The following PLXDC2 variants were observed in gnomAD, a reference collection of about 807,000 sequenced individuals.
PLXDC2 encodes plexin domain containing 2, also known as plexin domain-containing protein 2.
A neutral mutation model predicts 68.9 loss-of-function variants in PLXDC2; 40 were observed. The ratio of observed to expected loss-of-function variants is 0.58; its 90% CI spans 0.45 to 0.76. The LOEUF (loss-of-function observed/expected upper bound fraction) is 0.76. PLXDC2 is among the 30% of genes least tolerant of loss of function. The pLI is 0.00. For missense variants in PLXDC2, 644 were observed against 661.9 expected, an observed-to-expected ratio of 0.97 and a Z score of 0.30; for synonymous variants, 243 against 234.2, an observed-to-expected ratio of 1.04 and a Z score of -0.34.
intron 4 of PLXDC2, among the ~76,000 whole-genome samples, chr10:20,071,539 C>G (rs1259377896): frequency 6.6e-6 from 1 of 152,110 alleles, no homozygotes; most frequent in Non-Finnish European, 1.5e-5. Context: ...CTGCACACAC[C>G]CTCTCTTGCT....
chr10:20,256,440 C>CT (rs944831952), intron 13 of PLXDC2, among the ~76,000 whole-genome samples: 140 of 93,174 alleles, frequency 1.5e-3, no homozygotes, highest in Admixed American at 3.8e-3. Context: ...GCCCCCCAAA[C>CT]TTTTTTTTAA....
At chr10:19,916,651 A>T (rs1465674044) in intron 1 of PLXDC2, among the ~76,000 whole-genome samples, 1 of 152,186 alleles carries the variant, frequency 6.6e-6, no homozygotes, top group South Asian at 2.1e-4. Context: ...CATTTAACAT[A>T]CCAAGCAACT....
chr10:20,063,870 G>A (rs950896864), intron 3 of PLXDC2, among the ~76,000 whole-genome samples: 1 of 152,074 alleles, frequency 6.6e-6, no homozygotes, highest in Non-Finnish European at 1.5e-5. Context: ...TTCAAAAAAT[G>A]TTTCATAAAT....
intron 1 of PLXDC2, among the ~76,000 whole-genome samples, chr10:19,909,893 A>C (rs948367944): frequency 6.6e-6 from 1 of 152,134 alleles, no homozygotes; most frequent in African/African-American, 2.4e-5. Flanking sequence ...TGTTCAATGT[A>C]TTTCTAGAGA....
At chr10:20,043,457 A>C (rs904922494) in intron 2 of PLXDC2, 1 of 152,186 alleles carries the variant, frequency 6.6e-6, no homozygotes. Context: ...TCTTTATGAT[A>C]ACTTCAAGAC....
rs1836194079 is a variant in PLXDC2 at position 20,288,867 on chromosome 10, G to C, written c.*9048G>C. 1 of 151,960 alleles carries C rather than the reference G, an allele frequency of 6.6e-6. No individual in the cohort carries two copies. Among genetic ancestry groups the C allele is most frequent in the South Asian group, 2.1e-4 (1 of 4,826 alleles). The allele number at this position is 151,960 out of a possible 1,614,324, so 9.4% of individuals were successfully genotyped here. Reference sequence around the variant, plus strand: ...TCTTTAAAGGTGTGGAAGCTGGTGGGGACCAAATGTTACCTGTGTTTTTGC... The same window carrying C: ...TCTTTAAAGGTGTGGAAGCTGGTGGCGACCAAATGTTACCTGTGTTTTTGC... On this transcript the variant is annotated 3_prime_UTR_variant, in exon 14 of 14. Coordinates refer to ENST00000377252, the MANE Select transcript of PLXDC2 (RefSeq NM_032812.9).
At chr10:19,948,390 C>CTTTTTTTTT (rs59867874) in intron 1 of PLXDC2, among the ~76,000 whole-genome samples, 1 of 144,942 alleles carries the variant, frequency 6.9e-6, no homozygotes, top group African/African-American at 2.5e-5. Context: ...TTCTTTCTTT[C>CTTTTTTTTT]TTTTTTTTTT....
chr10:20,172,252 G>C (rs1276696553), intron 7 of PLXDC2, among the ~76,000 whole-genome samples: 1 of 140,456 alleles, frequency 7.1e-6, no homozygotes, highest in Admixed American at 7.1e-5. Context: ...AAAAAAAAGA[G>C]AGAGAGAGAT....
intron 12 of PLXDC2, among the ~76,000 whole-genome samples, chr10:20,226,633 A>G (rs1032108537): frequency 1.8e-4 from 28 of 152,208 alleles, no homozygotes; most frequent in Non-Finnish European, 2.5e-4. Flanking sequence ...CCTGTAGGTT[A>G]ATTTGTAGAT....
intron 13 of PLXDC2, among the ~76,000 whole-genome samples, chr10:20,253,951 G>A (rs1588545493): frequency 6.6e-6 from 1 of 152,150 alleles, no homozygotes; most frequent in South Asian, 2.1e-4. Flanking sequence ...CCTGAAACCT[G>A]AGTGGGCAGT....
rs771475097 is a variant in PLXDC2 at position 20,001,918 on chromosome 10, T to C, written c.256T>C (p.Ser86Pro). 6.8e-6 allele frequency: 11 copies of C among 1,613,234 alleles called. No individual in the cohort carries two copies. Among genetic ancestry groups the C allele is most frequent in the Non-Finnish European group, 7.6e-6 (9 of 1,179,986 alleles). The stretch of plus-strand genomic sequence containing the variant: ...GAACCGAGCAAGCGTCGGCCAAGAC[T>C]CTCCTGAGCCCAGAAGCTTCACAGA... ...DTNRASVGQD[S>P]PEPRSFTDLL... Residue 86 changes from serine to proline, a missense_variant, in exon 2 of 14, where the codon TCT (serine) becomes CCT (proline). This residue lies in a region of PLXDC2 where 201 missense variants were observed against 166.9 expected (regional missense o/e 1.20). Transcript: ENST00000377252.
intron 1 of PLXDC2, among the ~76,000 whole-genome samples, chr10:19,930,328 A>C (rs935747506): frequency 3.9e-5 from 6 of 152,138 alleles, no homozygotes; most frequent in African/African-American, 1.4e-4. Context: ...TTTTTTCCAG[A>C]AACAGCCGGG....
intron 3 of PLXDC2, among the ~76,000 whole-genome samples, chr10:20,055,245 A>C (rs1835976404): frequency 6.6e-6 from 1 of 152,136 alleles, no homozygotes; most frequent in Admixed American, 6.6e-5. Flanking sequence ...TCATTTAAAA[A>C]ATTAAGTTTT....
At chr10:20,117,635 T>C (rs1418886489) in intron 4 of PLXDC2, among the ~76,000 whole-genome samples, 1 of 152,144 alleles carries the variant, frequency 6.6e-6, no homozygotes, top group Non-Finnish European at 1.5e-5. Context: ...AAAATTCAAC[T>C]ATGTATTGCC....
At chr10:19,996,432 A>G (rs1834843849) in intron 1 of PLXDC2, among the ~76,000 whole-genome samples, 1 of 152,116 alleles carries the variant, frequency 6.6e-6, no homozygotes, top group Admixed American at 6.5e-5. Context: ...AAATAAAATT[A>G]AAAATTAGCT....
At chr10:20,152,372 T>C (rs1451616483) in intron 6 of PLXDC2, among the ~76,000 whole-genome samples, 1 of 152,090 alleles carries the variant, frequency 6.6e-6, no homozygotes, top group East Asian at 1.9e-4. Flanking sequence ...GAGGCATGGA[T>C]TCCCTTAAGT....
chr10:20,243,538 G>T lies in PLXDC2; in HGVS notation c.1313-1807G>T, dbSNP rs182865247. ...AAGAGTAAACAACAGCAATAAAAACGTAGAGGGGAGGTGGAAAGAATTAGG... is the reference window on the plus strand; with the variant it reads ...AAGAGTAAACAACAGCAATAAAAACTTAGAGGGGAGGTGGAAAGAATTAGG... On this transcript the variant is annotated intron_variant, in intron 12 of 13. Coordinates refer to ENST00000377252, the MANE Select transcript of PLXDC2 (RefSeq NM_032812.9). Among the ~76,000 whole-genome samples the T allele has an allele frequency of 2.6e-3, 391 of 152,188 alleles. 1 individual carries two copies. Among genetic ancestry groups the T allele is most frequent in the African/African-American group, 9.1e-3 (378 of 41,540 alleles).
intron 4 of PLXDC2, among the ~76,000 whole-genome samples, chr10:20,141,254 A>G (rs989695371): frequency 8.7e-5 from 13 of 150,062 alleles, no homozygotes; most frequent in African/African-American, 3.1e-4. Flanking sequence ...AAATCTATGT[A>G]GAAACATTGA....
intron 7 of PLXDC2, among the ~76,000 whole-genome samples, chr10:20,176,734 T>G (rs1190532573): frequency 6.6e-6 from 1 of 152,116 alleles, no homozygotes; most frequent in Non-Finnish European, 1.5e-5. Flanking sequence ...TTTAGTATAG[T>G]CTGAGTGAGA....
Sources: gnomAD v4.1 joint callset for allele counts (sites outside exome capture counted in the v4.1 genomes callset) on GRCh38, gnomAD v4.1.1 for gene constraint, gnomAD v4.1.1 regional missense constraint, MANE v1.5 for transcripts, NCBI Gene and HGNC (gene_info 2026-07-23, HGNC 2026-07-21) for gene names.